Variants in F13A1 observed in about 807,000 individuals in gnomAD.
F13A1 encodes the protein FSF, A subunit.
F13A1 carries 47 observed loss-of-function variants against 80.1 expected under a neutral mutation model. That is an observed-to-expected ratio of 0.59 (90% CI 0.46 to 0.75). F13A1 has a LOEUF of 0.75. Ranked by LOEUF, F13A1 falls within the 30% of genes least tolerant of loss-of-function variation. The pLI is 0.00. For synonymous variants in F13A1, 349 were observed against 344.9 expected, an observed-to-expected ratio of 1.01 and a Z score of -0.13; for missense variants, 817 against 930.4, an observed-to-expected ratio of 0.88 and a Z score of 1.59.
chr6:6,277,050 C>T (rs1757997966), intron 3 of F13A1, among the ~76,000 whole-genome samples: 1 of 151,974 alleles, frequency 6.6e-6, no homozygotes, highest in African/African-American at 2.4e-5. Flanking sequence ...CACTATATTC[C>T]CTTTCCTTTT....
chr6:6,187,681 CTCTTT>C (rs1761103916), intron 10 of F13A1, among the ~76,000 whole-genome samples: 1 of 64,058 alleles, frequency 1.6e-5, no homozygotes, highest in Non-Finnish European at 2.9e-5. Flanking sequence ...GTCTAAAATT[CTCTTT>C]TTTTTGTTGT....
In F13A1 at chr6:6,224,697, A is replaced by G. The variant is rs1757250650; in HGVS notation, c.962T>C (p.Val321Ala). The G allele has an allele frequency of 6.2e-7, 1 of 1,613,910 alleles. No individual in the cohort carries two copies. Among genetic ancestry groups the G allele is most frequent in the African/African-American group, 1.3e-5 (1 of 74,926 alleles). ...RYGQCWVFAG[V>A]FNTFLRCLGI... ...AGTTGGATACTTACATGTGTTAAAG[A>G]CACCAGCAAAAACCCAGCATTGGCC... The change falls in exon 7 of 15, where the codon GTC (valine) becomes GCC (alanine). Residue 321 changes from valine (V) to alanine (A), a missense_variant. Transcript: ENST00000264870.
intron 4 of F13A1, among the ~76,000 whole-genome samples, chr6:6,262,504 T>C (rs1403280002): frequency 6.6e-6 from 1 of 152,166 alleles, no homozygotes; most frequent in African/African-American, 2.4e-5. Context: ...TGCAGAGATG[T>C]TTGGGCCTCC....
At chr6:6,172,505 G>A (rs1760794640) in intron 12 of F13A1, among the ~76,000 whole-genome samples, 1 of 151,166 alleles carries the variant, frequency 6.6e-6, no homozygotes, top group African/African-American at 2.4e-5. Context: ...GAGTGCAGTG[G>A]CACGATCTTG....
chr6:6,316,989 G>A lies in F13A1; in HGVS notation c.130+1546C>T, dbSNP rs1561690041. Reference sequence around the variant, plus strand: ...CCCGTTTTTCCCAATCCTGGCAAGGGTGGCTGTGTCCTGACTCCTCGTGGC... The same window carrying A: ...CCCGTTTTTCCCAATCCTGGCAAGGATGGCTGTGTCCTGACTCCTCGTGGC... On this transcript the variant is annotated intron_variant, in intron 2 of 14. Transcript: ENST00000264870. Among the ~76,000 whole-genome samples the A allele has an allele frequency of 2.0e-5, 3 of 152,208 alleles. No individual in the cohort carries two copies. In the South Asian group the frequency reaches 6.2e-4, roughly 32 times the overall value.
At chr6:6,160,587 T>C (rs1476991130) in intron 13 of F13A1, among the ~76,000 whole-genome samples, 1 of 152,128 alleles carries the variant, frequency 6.6e-6, no homozygotes, top group East Asian at 1.9e-4. Flanking sequence ...TCCAGCCACC[T>C]TGGCCTTCCA....
intron 14 of F13A1, among the ~76,000 whole-genome samples, chr6:6,149,534 G>A (rs969720176): frequency 5.9e-5 from 9 of 152,132 alleles, no homozygotes; most frequent in East Asian, 1.9e-4. Context: ...AGTGCCCTTC[G>A]AAGAAGAGGT....
chr6:6,288,551 T>C (rs1758169503), intron 3 of F13A1, among the ~76,000 whole-genome samples: 1 of 152,220 alleles, frequency 6.6e-6, no homozygotes, highest in East Asian at 1.9e-4. Flanking sequence ...ATACCACATT[T>C]TCTTTATCCA....
At chr6:6,253,139 T>TC (rs1169602353) in intron 4 of F13A1, among the ~76,000 whole-genome samples, 57 of 70,548 alleles carry the variant, frequency 8.1e-4, no homozygotes, top group African/African-American at 2.9e-3. Flanking sequence ...CTAGAATCTG[T>TC]CCCAAAAAAA....
intron 4 of F13A1, among the ~76,000 whole-genome samples, chr6:6,260,512 A>T (rs760937200): frequency 3.9e-5 from 6 of 152,172 alleles, no homozygotes; most frequent in Non-Finnish European, 7.3e-5. Context: ...CATAGCGCTG[A>T]ATCCTTTGTT....
chr6:6,206,031 T>G (rs1197670658), intron 8 of F13A1, among the ~76,000 whole-genome samples: 1 of 152,156 alleles, frequency 6.6e-6, no homozygotes, highest in Non-Finnish European at 1.5e-5. Context: ...AATATTGAAT[T>G]TTGAGAGCAT....
At chr6:6,310,539 A>C (rs1758575959) in intron 2 of F13A1, among the ~76,000 whole-genome samples, 1 of 152,182 alleles carries the variant, frequency 6.6e-6, no homozygotes, top group Non-Finnish European at 1.5e-5. Context: ...TATTAAGAGA[A>C]GTAGAAGAGC....
rs1024989526 is a variant in F13A1, at chr6:6,167,404, A to T, written c.1908+54T>A. ...TACAAGCACGCATATGCACACATGA[A>T]CACTAAGTCTGCGTGCCTTTGTCTC... On this transcript the variant is annotated intron_variant, in intron 13 of 14. Coordinates refer to ENST00000264870, the MANE Select transcript of F13A1 (RefSeq NM_000129.4). 1.3e-5 allele frequency: 20 copies of T among 1,590,782 alleles called. No individual in the cohort carries two copies. In the African/African-American group the frequency reaches 2.3e-4, roughly 18 times the overall value.
At chr6:6,262,628 C>G (rs1583100205) in intron 4 of F13A1, among the ~76,000 whole-genome samples, 1 of 151,922 alleles carries the variant, frequency 6.6e-6, no homozygotes, top group African/African-American at 2.4e-5. Flanking sequence ...AGATGACTAG[C>G]TCACATCTTC....
intron 4 of F13A1, among the ~76,000 whole-genome samples, chr6:6,255,448 C>G (rs1294059796): frequency 6.6e-6 from 1 of 152,082 alleles, no homozygotes; most frequent in Non-Finnish European, 1.5e-5. Context: ...AATAAGCTGC[C>G]TTCTAAGTAG....
Position 6,250,529 on chromosome 6 carries a change from T to C in F13A1, c.690+282A>G, listed in dbSNP as rs985893802. 2.6e-5 allele frequency among the ~76,000 whole-genome samples: 4 copies of C among 152,212 alleles called. No homozygotes were observed. Among genetic ancestry groups the C allele is most frequent in the Non-Finnish European group, 4.4e-5 (3 of 68,036 alleles). On this transcript the variant is annotated intron_variant, in intron 5 of 14. Coordinates refer to ENST00000264870, the MANE Select transcript of F13A1 (RefSeq NM_000129.4). This position sits in a 1 kb window ranked among gnomAD's most constrained non-coding sequence, Gnocchi z 4.2. ...AGGTTGAACTAATGAGATTTCACTGTTCTAAGTGGCCAAAGCATTTCTCAA... is the reference window on the plus strand; with the variant it reads ...AGGTTGAACTAATGAGATTTCACTGCTCTAAGTGGCCAAAGCATTTCTCAA...
At chr6:6,149,826 C>T (rs1407063409) in intron 14 of F13A1, among the ~76,000 whole-genome samples, 2 of 152,176 alleles carry the variant, frequency 1.3e-5, no homozygotes, top group African/African-American at 4.8e-5. Context: ...ACTAACAGTA[C>T]CTTAAGCCAG....
intron 5 of F13A1, among the ~76,000 whole-genome samples, chr6:6,249,743 C>T (rs1466690505): frequency 6.6e-6 from 1 of 152,240 alleles, no homozygotes; most frequent in East Asian, 1.9e-4. Flanking sequence ...GGGCATCAGG[C>T]AGTAGGCAGT....
chr6:6,289,975 G>C (rs1054133381), intron 3 of F13A1, among the ~76,000 whole-genome samples: 2 of 152,142 alleles, frequency 1.3e-5, no homozygotes, highest in African/African-American at 4.8e-5. Context: ...TTGTTCAAAA[G>C]GTTGGCATTG....
Sources: allele counts gnomAD v4.1 joint callset (sites outside exome capture counted in the v4.1 genomes callset), GRCh38; gene constraint gnomAD v4.1.1; non-coding constraint Gnocchi (gnomAD v3.1); transcripts MANE v1.5; gene names NCBI Gene and HGNC (gene_info 2026-07-23, HGNC 2026-07-21).